The following CAST variants were observed in gnomAD, a reference collection of about 807,000 sequenced individuals.
The protein encoded by CAST is calpastatin.
CAST carries 76 observed loss-of-function variants against 119.6 expected under a neutral mutation model. That is an observed-to-expected ratio of 0.64 (90% confidence interval 0.53 to 0.77). The LOEUF (loss-of-function observed/expected upper bound fraction) is 0.77. CAST is among the 30% of genes least tolerant of loss of function. The pLI is 0.00. For missense variants in CAST, 953 were observed against 946.5 expected (o/e 1.01, Z -0.09); for synonymous variants, 319 against 331.6 (o/e 0.96, Z 0.41).
At chr5:96,238,361 C>CTTCTCCTTT in the CAST span, among the ~76,000 whole-genome samples, 2 of 141,436 alleles carry the variant, frequency 1.4e-5, no homozygotes, top group Admixed American at 1.4e-4. Context: ...TCATCTTCTT[C>CTTCTCCTTT]TTCTCCTTCT....
chr5:96,140,203 A>G, the CAST span, among the ~76,000 whole-genome samples: 1 of 152,162 alleles, frequency 6.6e-6, no homozygotes, highest in African/African-American at 2.4e-5. Context: ...TGCTCTTGGA[A>G]CTTCTGAATT....
At chr5:96,412,752 GTTTTTT>G in the CAST span, among the ~76,000 whole-genome samples, 368 of 71,822 alleles carry the variant, frequency 5.1e-3, 7 homozygotes, top group African/African-American at 0.031. Flanking sequence ...CAGCTGTGAT[GTTTTTT>G]TTTTTTTTTT....
At chr5:96,313,521 A>G in the CAST span, among the ~76,000 whole-genome samples, 2 of 152,118 alleles carry the variant, frequency 1.3e-5, no homozygotes, top group South Asian at 4.1e-4. Flanking sequence ...AGTTCTTTTT[A>G]TTGCTATATA....
rs148836036 is a variant in CAST at position 96,546,629 on chromosome 5, A to C, written c.60+16749A>C. The C allele has an allele frequency of 6.1e-4, 93 of 152,304 alleles. 1 individual carries two copies. In the East Asian group the frequency reaches 0.017, roughly 28 times the overall value. 9.4% of individuals were successfully genotyped at this position (152,304 alleles called of 1,614,324 possible). ...CATTAATGCCTGCCAGAAGATCCAC[A>C]CAGTATCTCTATTTGTCACATACAC... On this transcript the variant is annotated intron_variant, in intron 1 of 11. Coordinates refer to the CAST transcript ENST00000505143.
At chr5:96,234,856 G>A in the CAST span, among the ~76,000 whole-genome samples, 23 of 152,100 alleles carry the variant, frequency 1.5e-4, no homozygotes, top group African/African-American at 5.5e-4. Flanking sequence ...CTGCTTTATT[G>A]AAGTATAATT....
chr5:96,096,908 C>T, the CAST span, among the ~76,000 whole-genome samples: 3 of 152,162 alleles, frequency 2.0e-5, no homozygotes, highest in Admixed American at 1.3e-4. Context: ...AAAATTCTTG[C>T]CAATAGACTC....
chr5:96,520,732 C>A (rs1745504024), upstream of CAST, among the ~76,000 whole-genome samples: 1 of 152,086 alleles, frequency 6.6e-6, no homozygotes, highest in South Asian at 2.1e-4. Flanking sequence ...CTGGTTATGC[C>A]ATTCTAAATA....
chr5:96,750,717 G>C, intron 20 of CAST, 35 bp downstream of exon 20: 1 of 1,349,150 alleles, frequency 7.4e-7, no homozygotes, highest in African/African-American at 1.4e-5. Flanking sequence ...GCAGTGGCTT[G>C]AGAAAGTTTT....
At chr5:96,357,042 C>T in the CAST span, among the ~76,000 whole-genome samples, 1 of 152,144 alleles carries the variant, frequency 6.6e-6, no homozygotes, top group East Asian at 1.9e-4. Flanking sequence ...TGAAGAGGTC[C>T]TTCACATCCC....
intron 1 of CAST, among the ~76,000 whole-genome samples, chr5:96,595,486 C>A (rs1747037528): frequency 6.6e-6 from 1 of 152,184 alleles, no homozygotes; most frequent in Non-Finnish European, 1.5e-5. Flanking sequence ...GACAGGACCC[C>A]AGTCATGGAG....
intron 1 of CAST, among the ~76,000 whole-genome samples, chr5:96,576,305 T>C (rs1306109073): frequency 6.6e-6 from 1 of 152,124 alleles, no homozygotes; most frequent in African/African-American, 2.4e-5. Flanking sequence ...CCTTAAGTAT[T>C]TGGTAGCATT....
At chr5:96,335,779 G>T in the CAST span, among the ~76,000 whole-genome samples, 1 of 152,096 alleles carries the variant, frequency 6.6e-6, no homozygotes, top group East Asian at 1.9e-4. Flanking sequence ...ACCTCTATTT[G>T]TTCTGTTACC....
chr5:96,534,762 AAAG>A (rs1745763299), intron 1 of CAST, among the ~76,000 whole-genome samples: 1 of 116,912 alleles, frequency 8.6e-6, no homozygotes, highest in Non-Finnish European at 1.8e-5. Flanking sequence ...AGAAAGAAAG[AAAG>A]AAAGAAAGAA....
At chr5:96,654,753 G>A (rs541503623) in intron 1 of CAST, among the ~76,000 whole-genome samples, 14 of 152,292 alleles carry the variant, frequency 9.2e-5, no homozygotes, top group African/African-American at 3.4e-4. Flanking sequence ...CAATACATTT[G>A]GAAGTGGAAG....
intron 30 of CAST, 136 bp downstream of exon 30, chr5:96,770,738 C>T (rs760206066): frequency 8.5e-6 from 5 of 590,826 alleles, no homozygotes; most frequent in Non-Finnish European, 1.2e-5. Context: ...CCCATAGCAT[C>T]GCTTGGTAAA....
At chr5:96,739,214 G>A (rs996778884) in intron 11 of CAST, among the ~76,000 whole-genome samples, 2 of 152,168 alleles carry the variant, frequency 1.3e-5, no homozygotes, top group East Asian at 1.9e-4. Context: ...CCTATAGCTG[G>A]TGGGTGTTCA....
At chr5:96,013,691 C>A in the CAST span, among the ~76,000 whole-genome samples, 1 of 152,024 alleles carries the variant, frequency 6.6e-6, no homozygotes, top group Non-Finnish European at 1.5e-5. Flanking sequence ...ATATAACAAA[C>A]CTGTGCAGTA....
intron 1 of CAST, among the ~76,000 whole-genome samples, chr5:96,549,084 C>T (rs1746072545): frequency 6.6e-6 from 1 of 152,196 alleles, no homozygotes; most frequent in Admixed American, 6.5e-5. Context: ...AATCTACTAG[C>T]TTACAGGAGC....
the CAST span, among the ~76,000 whole-genome samples, chr5:96,407,182 T>C: frequency 6.6e-6 from 1 of 152,152 alleles, no homozygotes; most frequent in Non-Finnish European, 1.5e-5. Flanking sequence ...CTGACAAACA[T>C]AACTACATAC....
Sources: allele counts gnomAD v4.1 joint callset (sites outside exome capture counted in the v4.1 genomes callset), GRCh38; gene constraint gnomAD v4.1.1; transcripts MANE v1.5; gene names NCBI Gene and HGNC (gene_info 2026-07-23, HGNC 2026-07-21).